Variants in DNAH9 observed in about 807,000 individuals in gnomAD.
The protein encoded by DNAH9 is DNAH9 variant protein.
Under a neutral mutation model 471.6 loss-of-function variants are expected in DNAH9, and 345 were observed. That is an observed-to-expected ratio of 0.73 (90% CI 0.67 to 0.80). DNAH9 has a LOEUF of 0.80. DNAH9 is among the 30% of genes least tolerant of loss of function. DNAH9 has a pLI of 0.00. For synonymous variants in DNAH9, 2,093 were observed against 2,123.6 expected, an observed-to-expected ratio of 0.99 and a Z score of 0.40; for missense variants, 5,407 against 5,609.2, an observed-to-expected ratio of 0.96 and a Z score of 1.15.
At chr17:11,913,760 C>A (rs962946573) in intron 61 of DNAH9, among the ~76,000 whole-genome samples, 34 of 148,426 alleles carry the variant, frequency 2.3e-4, no homozygotes, top group Non-Finnish European at 4.3e-4. Context: ...CCAGCCTGGG[C>A]GACAGAGTGA....
chr17:11,813,293 A>G (rs1189960556), intron 45 of DNAH9, among the ~76,000 whole-genome samples: 1 of 152,132 alleles, frequency 6.6e-6, no homozygotes, highest in Admixed American at 6.6e-5. Context: ...TACAGTTAAG[A>G]TGAACACTTT....
At chr17:11,717,679 G>T (rs1567745711) in intron 26 of DNAH9, among the ~76,000 whole-genome samples, 1 of 152,132 alleles carries the variant, frequency 6.6e-6, no homozygotes, top group Non-Finnish European at 1.5e-5. Context: ...ACCCATTGCA[G>T]GTGTACAATG....
At chr17:11,619,262 G>A (rs1266977844) in intron 5 of DNAH9, among the ~76,000 whole-genome samples, 2 of 134,172 alleles carry the variant, frequency 1.5e-5, no homozygotes, top group South Asian at 2.7e-4. Flanking sequence ...GAATACCTGG[G>A]AAAGGGCACC....
intron 1 of DNAH9, among the ~76,000 whole-genome samples, chr17:11,600,697 G>A (rs971343534): frequency 3.9e-5 from 6 of 152,092 alleles, no homozygotes; most frequent in African/African-American, 1.2e-4. Context: ...GACCAGGCTG[G>A]TTTCAAACTC....
At chr17:11,722,126 C>T (rs567604001) in intron 27 of DNAH9, among the ~76,000 whole-genome samples, 3 of 152,326 alleles carry the variant, frequency 2.0e-5, no homozygotes, top group Non-Finnish European at 2.9e-5. Context: ...CTGCTGTGCA[C>T]TTCTCCAGGG....
chr17:11,795,665 T>C (rs776566896), intron 42 of DNAH9, among the ~76,000 whole-genome samples: 1 of 152,230 alleles, frequency 6.6e-6, no homozygotes, highest in Admixed American at 6.5e-5. Flanking sequence ...CTGAGCATCA[T>C]AGAGTTACCC....
chr17:11,823,939 AAAAG>A (rs1188787563), intron 48 of DNAH9, among the ~76,000 whole-genome samples: 3 of 151,848 alleles, frequency 2.0e-5, no homozygotes, highest in Non-Finnish European at 4.4e-5. Flanking sequence ...CAAAAAAAAA[AAAAG>A]AAAGAAAAAA....
chr17:11,753,589 C>T (rs1702123672), intron 33 of DNAH9, among the ~76,000 whole-genome samples: 1 of 152,172 alleles, frequency 6.6e-6, no homozygotes, highest in Non-Finnish European at 1.5e-5. Context: ...ATTGCTTGAA[C>T]CCGGAGGCAG....
intron 39 of DNAH9, among the ~76,000 whole-genome samples, chr17:11,782,501 C>T (rs1329468061): frequency 1.3e-5 from 2 of 152,196 alleles, no homozygotes; most frequent in Non-Finnish European, 2.9e-5. Flanking sequence ...CCTCCTGTTA[C>T]ATCTTACCTA....
intron 9 of DNAH9, among the ~76,000 whole-genome samples, chr17:11,638,391 CT>C (rs112395529): frequency 2.3e-4 from 34 of 147,858 alleles, no homozygotes; most frequent in South Asian, 2.1e-4. Flanking sequence ...TCAGCTCACA[CT>C]TTTTTTTTTT....
intron 33 of DNAH9, among the ~76,000 whole-genome samples, chr17:11,754,793 A>G (rs919437006): frequency 3.3e-5 from 5 of 151,966 alleles, no homozygotes; most frequent in Admixed American, 6.6e-5. Context: ...TGTTCACTCT[A>G]TTGATCATTT....
chr17:11,906,175 A>T (rs1973590135), intron 61 of DNAH9, among the ~76,000 whole-genome samples: 1 of 152,174 alleles, frequency 6.6e-6, no homozygotes. Flanking sequence ...ATACCATTTG[A>T]TGCAGCTATC....
intron 57 of DNAH9, among the ~76,000 whole-genome samples, chr17:11,888,770 G>A: frequency 6.6e-6 from 1 of 152,286 alleles, no homozygotes; most frequent in South Asian, 2.1e-4. Context: ...CTGTTTTGAA[G>A]AAAAATGGGC....
At chr17:11,835,025 A>G in intron 49 of DNAH9, 127 bp downstream of exon 49, 1 of 1,259,116 alleles carries the variant, frequency 7.9e-7, no homozygotes, top group Non-Finnish European at 1.1e-6. Context: ...ACTGTCACTG[A>G]TTTGCTCATT....
chr17:11,677,394 ATCT>A (rs1359947916), intron 17 of DNAH9, among the ~76,000 whole-genome samples: 1 of 152,196 alleles, frequency 6.6e-6, no homozygotes, highest in South Asian at 2.1e-4. Context: ...AACATTAAAC[ATCT>A]TCTTTATCAC....
chr17:11,931,985 G>A (rs1002716919), intron 63 of DNAH9, 29 bp from the exon 64 acceptor site: 6 of 1,611,100 alleles, frequency 3.7e-6, no homozygotes, highest in South Asian at 2.2e-5. Context: ...AGTTGTGTGC[G>A]AACCTTAAAA....
At chr17:11,690,855 A>G (rs2074323210) in intron 20 of DNAH9, among the ~76,000 whole-genome samples, 1 of 152,154 alleles carries the variant, frequency 6.6e-6, no homozygotes, top group Admixed American at 6.5e-5. Context: ...ATGCCATTCT[A>G]TAAACCGCTG....
At chr17:11,620,511 C>A (rs56251714) in intron 6 of DNAH9, among the ~76,000 whole-genome samples, 2,063 of 118,906 alleles carry the variant, frequency 0.017, no homozygotes, top group Middle Eastern at 0.025. Flanking sequence ...GACTCTGTCT[C>A]AAAAAAAAAA....
chr17:11,922,820 A>G (rs1181854108), intron 61 of DNAH9, among the ~76,000 whole-genome samples: 3 of 152,212 alleles, frequency 2.0e-5, no homozygotes, highest in Non-Finnish European at 2.9e-5. Flanking sequence ...ACCTCCCAGT[A>G]AAGTTCCAGA....
Sources: allele counts gnomAD v4.1 joint callset (sites outside exome capture counted in the v4.1 genomes callset), GRCh38; gene constraint gnomAD v4.1.1; transcripts MANE v1.5; gene names NCBI Gene and HGNC (gene_info 2026-07-23, HGNC 2026-07-21).